The following OSBPL10 variants were observed in gnomAD, a reference collection of about 807,000 sequenced individuals.
OSBPL10 encodes oxysterol binding protein like 10, also known as oxysterol-binding protein-related protein 10.
A neutral mutation model predicts 81.7 loss-of-function variants in OSBPL10; 49 were observed. The ratio of observed to expected loss-of-function variants is 0.60; its 90% CI spans 0.48 to 0.76. OSBPL10 has a LOEUF of 0.76. OSBPL10 is among the 30% of genes least tolerant of loss of function. The pLI, the probability that OSBPL10 is intolerant of heterozygous loss-of-function variation, is 0.00. For missense variants in OSBPL10, 923 were observed against 987.8 expected, an observed-to-expected ratio of 0.93 and a Z score of 0.88; for synonymous variants, 419 against 383.6, an observed-to-expected ratio of 1.09 and a Z score of -1.08.
intron 4 of OSBPL10, among the ~76,000 whole-genome samples, chr3:31,751,831 T>G (rs889082627): frequency 2.0e-5 from 3 of 152,238 alleles, no homozygotes; most frequent in Non-Finnish European, 2.9e-5. Flanking sequence ...ATCTTCACTT[T>G]ACGTTAGCTT....
intron 3 of OSBPL10, among the ~76,000 whole-genome samples, chr3:31,849,110 T>G (rs1169881421): frequency 6.6e-6 from 1 of 152,170 alleles, no homozygotes; most frequent in Admixed American, 6.5e-5. Flanking sequence ...ACTTTTGAAA[T>G]TCTGCCAAGT....
chr3:31,862,083 G>T (rs1377213633), intron 3 of OSBPL10, among the ~76,000 whole-genome samples: 2 of 152,156 alleles, frequency 1.3e-5, no homozygotes, highest in African/African-American at 4.8e-5. Flanking sequence ...GCTGCCACAT[G>T]CCAGGCTCAG....
chr3:31,761,555 G>A (rs373147576), intron 4 of OSBPL10, among the ~76,000 whole-genome samples: 3 of 148,794 alleles, frequency 2.0e-5, no homozygotes, highest in East Asian at 2.0e-4. Flanking sequence ...GGTGGCTCAC[G>A]CCTGTAATCC....
intron 3 of OSBPL10, among the ~76,000 whole-genome samples, chr3:31,836,541 C>A (rs1187828819): frequency 7.0e-6 from 1 of 142,390 alleles, no homozygotes; most frequent in African/African-American, 2.5e-5. Context: ...TCTAACCCCC[C>A]TCCTCTACCC....
intron 3 of OSBPL10, among the ~76,000 whole-genome samples, chr3:31,833,460 T>A (rs1265506619): frequency 6.6e-6 from 1 of 152,190 alleles, no homozygotes; most frequent in Non-Finnish European, 1.5e-5. Flanking sequence ...GCACAGTGCC[T>A]GACATGCAGA....
chr3:32,015,158 A>T (rs1348851449), intron 2 of OSBPL10, among the ~76,000 whole-genome samples: 1 of 152,192 alleles, frequency 6.6e-6, no homozygotes, highest in Non-Finnish European at 1.5e-5. Flanking sequence ...AGCCAAAAGA[A>T]CAAAGCTGGA....
intron 4 of OSBPL10, among the ~76,000 whole-genome samples, chr3:31,761,853 A>G (rs189810216): frequency 1.6e-3 from 236 of 149,642 alleles, no homozygotes; most frequent in African/African-American, 5.8e-3. Flanking sequence ...GTCAGAGAGT[A>G]TTTTCCTTCA....
chr3:31,985,948 T>A (rs140671718), upstream of OSBPL10, among the ~76,000 whole-genome samples: 632 of 152,312 alleles, frequency 4.1e-3, 8 homozygotes, highest in Middle Eastern at 0.044. Flanking sequence ...ATCCCCCAAA[T>A]TCTGGTGGAG....
intron 1 of OSBPL10, 132 bp from the exon 2 acceptor site, chr3:31,879,962 T>C: frequency 1.1e-6 from 1 of 941,776 alleles, no homozygotes; most frequent in Non-Finnish European, 1.5e-6. Flanking sequence ...CAAAAGTCCC[T>C]CCCAGATGCC....
intron 4 of OSBPL10, among the ~76,000 whole-genome samples, chr3:31,755,121 A>T (rs1697847567): frequency 6.6e-6 from 1 of 152,160 alleles, no homozygotes; most frequent in Admixed American, 6.5e-5. Flanking sequence ...CAAAGGGGAC[A>T]GAAAGAGCTT....
At chr3:31,665,802 G>A (rs1700174353) in intron 10 of OSBPL10, among the ~76,000 whole-genome samples, 1 of 152,174 alleles carries the variant, frequency 6.6e-6, no homozygotes, top group South Asian at 2.1e-4. Context: ...CGCTGAGGGT[G>A]GGGCTGGGCA....
chr3:31,818,180 T>C (rs1029749352), intron 4 of OSBPL10, among the ~76,000 whole-genome samples: 16 of 152,122 alleles, frequency 1.1e-4, no homozygotes, highest in South Asian at 2.1e-4. Flanking sequence ...AGTATTTACA[T>C]TGGTGGCCTC....
intron 1 of OSBPL10, among the ~76,000 whole-genome samples, 197 bp downstream of exon 1, chr3:31,980,702 A>G (rs1322047816): frequency 6.6e-6 from 1 of 152,132 alleles, no homozygotes; most frequent in Admixed American, 6.5e-5. Context: ...GGGTGGAGCC[A>G]CGGCGCGCCC....
intron 1 of OSBPL10, among the ~76,000 whole-genome samples, chr3:31,886,699 T>C (rs1339671732): frequency 6.6e-6 from 1 of 152,160 alleles, no homozygotes; most frequent in African/African-American, 2.4e-5. Context: ...CCCAGCACTT[T>C]GGGAGGCTGA....
intron 4 of OSBPL10, among the ~76,000 whole-genome samples, chr3:31,751,912 CA>C (rs1475249705): frequency 1.3e-5 from 2 of 152,168 alleles, no homozygotes; most frequent in Non-Finnish European, 2.9e-5. Context: ...AGCTGTGCAT[CA>C]CAGTTATTAC....
At chr3:31,937,007 G>A (rs1697394921) in intron 1 of OSBPL10, among the ~76,000 whole-genome samples, 1 of 152,192 alleles carries the variant, frequency 6.6e-6, no homozygotes, top group Non-Finnish European at 1.5e-5. Context: ...AGGAATGGCT[G>A]GGTGCAGTGG....
intron 4 of OSBPL10, among the ~76,000 whole-genome samples, chr3:31,818,228 C>T (rs1465127213): frequency 6.6e-6 from 1 of 152,124 alleles, no homozygotes; most frequent in Non-Finnish European, 1.5e-5. Flanking sequence ...GTGGGTGGGC[C>T]GCTCCAGTCC....
intron 1 of OSBPL10, among the ~76,000 whole-genome samples, chr3:31,946,606 A>C (rs1425892789): frequency 6.6e-6 from 1 of 152,172 alleles, no homozygotes; most frequent in Non-Finnish European, 1.5e-5. Context: ...AGGTAATGGC[A>C]TCCACCTGCG....
intron 11 of OSBPL10, chr3:31,662,688 T>C (rs556343201): frequency 9.1e-6 from 9 of 985,552 alleles, no homozygotes; most frequent in Admixed American, 6.1e-5. Flanking sequence ...ATGACTCTTA[T>C]TCCTTACATG....
Sources: gnomAD v4.1 joint callset for allele counts (sites outside exome capture counted in the v4.1 genomes callset) on GRCh38, gnomAD v4.1.1 for gene constraint, MANE v1.5 for transcripts, NCBI Gene and HGNC (gene_info 2026-07-23, HGNC 2026-07-21) for gene names.